The following QTMAN variants were observed in gnomAD, a reference collection of about 807,000 sequenced individuals.
The protein encoded by QTMAN is queuosine-tRNA mannosyltransferase, also known as tRNA-queuosine alpha-mannosyltransferase.
chr2:144,108,633 G>C, the QTMAN span, among the ~76,000 whole-genome samples: 22 of 133,100 alleles, frequency 1.7e-4, no homozygotes, highest in African/African-American at 8.2e-4. Flanking sequence ...GCAAGACTCT[G>C]TCTCAATTAA....
chr2:143,961,266 G>A, the QTMAN span, among the ~76,000 whole-genome samples: 1 of 152,074 alleles, frequency 6.6e-6, no homozygotes, highest in Non-Finnish European at 1.5e-5. Flanking sequence ...AGGCATTGCA[G>A]GAAACAGGAA....
chr2:144,301,233 T>C, the QTMAN span, among the ~76,000 whole-genome samples: 1 of 152,206 alleles, frequency 6.6e-6, no homozygotes, highest in African/African-American at 2.4e-5. Context: ...TGTTTGTTTG[T>C]TTGTTTTGAG....
the QTMAN span, among the ~76,000 whole-genome samples, chr2:143,999,274 G>A: frequency 5.3e-5 from 8 of 151,882 alleles, no homozygotes; most frequent in Non-Finnish European, 7.4e-5. Context: ...ACAGTCAGGG[G>A]GATTAACACT....
chr2:144,158,998 G>C, the QTMAN span, among the ~76,000 whole-genome samples: 1 of 151,994 alleles, frequency 6.6e-6, no homozygotes, highest in Non-Finnish European at 1.5e-5. Flanking sequence ...TAACAATAAA[G>C]AGTGAATGGC....
chr2:144,311,419 C>G, the QTMAN span, among the ~76,000 whole-genome samples: 2 of 152,168 alleles, frequency 1.3e-5, no homozygotes, highest in African/African-American at 4.8e-5. Flanking sequence ...ACGTTTCCAA[C>G]TTGATAATGC....
At chr2:144,291,837 A>T in the QTMAN span, among the ~76,000 whole-genome samples, 1 of 152,208 alleles carries the variant, frequency 6.6e-6, no homozygotes, top group Non-Finnish European at 1.5e-5. Flanking sequence ...TGTCTGAATC[A>T]TTAAAATAGT....
chr2:144,308,449 G>T, the QTMAN span, among the ~76,000 whole-genome samples: 1 of 152,072 alleles, frequency 6.6e-6, no homozygotes, highest in Non-Finnish European at 1.5e-5. Context: ...ACAGGCGTGA[G>T]CCACCATGCC....
chr2:144,215,273 T>TATATAC, the QTMAN span, among the ~76,000 whole-genome samples: 10 of 143,790 alleles, frequency 7.0e-5, no homozygotes, highest in Non-Finnish European at 9.1e-5. Flanking sequence ...TATATATATA[T>TATATAC]ACACACACAC....
the QTMAN span, among the ~76,000 whole-genome samples, chr2:144,082,622 A>T: frequency 1.3e-5 from 2 of 152,130 alleles, no homozygotes; most frequent in Non-Finnish European, 2.9e-5. Flanking sequence ...GATTATAGGC[A>T]CATATACCAT....
chr2:144,304,271 T>A, the QTMAN span, among the ~76,000 whole-genome samples: 1 of 152,210 alleles, frequency 6.6e-6, no homozygotes, highest in Non-Finnish European at 1.5e-5. Context: ...TCTATTAATT[T>A]ACCTCCTCTA....
chr2:144,188,726 G>A, the QTMAN span, among the ~76,000 whole-genome samples: 1 of 151,866 alleles, frequency 6.6e-6, no homozygotes, highest in African/African-American at 2.4e-5. Context: ...AATTTCATCT[G>A]AATATTTAAA....
the QTMAN span, among the ~76,000 whole-genome samples, chr2:144,112,888 A>G: frequency 6.6e-6 from 1 of 152,124 alleles, no homozygotes; most frequent in Non-Finnish European, 1.5e-5. Flanking sequence ...CTGGTCAGTA[A>G]AGGCCTACAG....
the QTMAN span, among the ~76,000 whole-genome samples, chr2:144,117,841 CATTT>C: frequency 6.6e-5 from 10 of 151,490 alleles, no homozygotes; most frequent in African/African-American, 9.7e-5. Flanking sequence ...TTTATTTATT[CATTT>C]ATTTATTTAT....
At chr2:144,178,189 T>G in the QTMAN span, 1 of 152,176 alleles carries the variant, frequency 6.6e-6, no homozygotes, top group Non-Finnish European at 1.5e-5. Flanking sequence ...AGCCTAGGGT[T>G]CAAGTTTTGA....
At chr2:144,057,038 A>G in the QTMAN span, among the ~76,000 whole-genome samples, 2 of 152,206 alleles carry the variant, frequency 1.3e-5, no homozygotes, top group African/African-American at 4.8e-5. Flanking sequence ...GTAATACCTG[A>G]ACAAAGGCAA....
At chr2:144,061,578 T>C in the QTMAN span, among the ~76,000 whole-genome samples, 1 of 152,202 alleles carries the variant, frequency 6.6e-6, no homozygotes, top group Non-Finnish European at 1.5e-5. Flanking sequence ...TGAGTACTTA[T>C]GACCTAGGTG....
the QTMAN span, among the ~76,000 whole-genome samples, chr2:144,018,246 CT>C: frequency 5.0e-3 from 755 of 152,150 alleles, 7 homozygotes; most frequent in African/African-American, 0.018. Flanking sequence ...AAAATCTAGT[CT>C]TTTTTTCTTT....
chr2:144,199,947 T>A, the QTMAN span, among the ~76,000 whole-genome samples: 1 of 152,228 alleles, frequency 6.6e-6, no homozygotes, highest in African/African-American at 2.4e-5. Context: ...AACCCAGGAC[T>A]GCTGATTCTC....
the QTMAN span, among the ~76,000 whole-genome samples, chr2:144,188,410 T>C: frequency 5.9e-5 from 9 of 152,160 alleles, no homozygotes; most frequent in Non-Finnish European, 1.3e-4. Context: ...CTTTTGAACA[T>C]ATCAGTTTCT....
Sources: allele counts gnomAD v4.1 joint callset (sites outside exome capture counted in the v4.1 genomes callset), GRCh38; gene constraint gnomAD v4.1.1; transcripts MANE v1.5; gene names NCBI Gene and HGNC (gene_info 2026-07-23, HGNC 2026-07-21).